The following SYTL5 variants were observed in gnomAD, a reference collection of about 807,000 sequenced individuals.
SYTL5 encodes synaptotagmin-like protein 5.
Under a neutral mutation model 55.9 loss-of-function variants are expected in SYTL5, and 34 were observed. The ratio of observed to expected loss-of-function variants is 0.61; its 90% CI spans 0.46 to 0.81. The LOEUF is 0.81. Among genes scored for constraint, SYTL5 ranks in the 30% least tolerant of loss-of-function variants. The pLI is 0.00. For synonymous variants in SYTL5, 221 were observed against 188.7 expected, an observed-to-expected ratio of 1.17 and a Z score of -1.40; for missense variants, 637 against 546.7, an observed-to-expected ratio of 1.17 and a Z score of -1.65.
the SYTL5 span, among the ~76,000 whole-genome samples, chrX:37,961,897 CT>C: frequency 3.6e-5 from 4 of 111,184 alleles, no homozygotes; most frequent in Non-Finnish European, 5.7e-5. Context: ...GTGATGTATA[CT>C]TTTTTTTGAA....
intron 1 of SYTL5, among the ~76,000 whole-genome samples, chrX:38,017,052 A>G (rs1884692): frequency 0.28 from 30,858 of 110,429 alleles, 6,311 homozygotes; most frequent in African/African-American, 0.72. Flanking sequence ...CTCCTAACTA[A>G]TGGTTGATTT....
the SYTL5 span, among the ~76,000 whole-genome samples, chrX:37,977,700 TCACACACACACACA>T: frequency 2.5e-3 from 207 of 82,551 alleles, 1 homozygote; most frequent in East Asian, 5.5e-3. Context: ...GGACCAATGA[TCACACACACACACA>T]CACACACACA....
chrX:37,968,328 A>G, the SYTL5 span, among the ~76,000 whole-genome samples: 1 of 111,581 alleles, frequency 9.0e-6, no homozygotes, highest in East Asian at 2.8e-4. Context: ...TAAACATCTT[A>G]CACCTGTTAT....
chrX:37,966,494 G>A, the SYTL5 span, among the ~76,000 whole-genome samples: 2 of 95,190 alleles, frequency 2.1e-5, no homozygotes, highest in East Asian at 6.9e-4. Flanking sequence ...CTGGAGTGCA[G>A]TGGCACGATC....
rs557696895 is a variant in SYTL5, at chrX:38,094,491, G to A, written c.961+67G>A. 27 of 1,079,929 alleles carry A rather than the reference G, an allele frequency of 2.5e-5. No individual in the cohort carries two copies. In the South Asian group the frequency reaches 4.4e-4, roughly 17 times the overall value. The allele number at this position is 1,079,929 out of a possible 1,213,427, so 89.0% of individuals were successfully genotyped here. ...TAAATCAAATGGAATTGACTGCTAT[G>A]TGTGGTATTAAGTGGATGTTTCATC... On this transcript the variant is annotated intron_variant, in intron 8 of 16. Transcript: ENST00000297875.
Position 38,051,749 on chromosome X carries a change from C to T in SYTL5, c.120-2464C>T, listed in dbSNP as rs185629349. Among the ~76,000 whole-genome samples the T allele has an allele frequency of 9.0e-5, 10 of 111,527 alleles. No homozygotes were observed. In the East Asian group the frequency reaches 2.8e-3, roughly 31 times the overall value. On this transcript the variant is annotated intron_variant, in intron 2 of 16. Transcript: ENST00000297875. ...TTTGGTGATGGGACAAAGAGGTCTCCTTTCTGTCGTCATTACCATTTCTCC... is the reference window on the plus strand; with the variant it reads ...TTTGGTGATGGGACAAAGAGGTCTCTTTTCTGTCGTCATTACCATTTCTCC...
chrX:37,941,991 G>C, the SYTL5 span, among the ~76,000 whole-genome samples: 1 of 111,568 alleles, frequency 9.0e-6, no homozygotes, highest in Non-Finnish European at 1.9e-5. Flanking sequence ...AACCGTTTTG[G>C]TAGGCCTAAA....
chrX:37,891,842 T>G, the SYTL5 span, among the ~76,000 whole-genome samples: 1 of 111,546 alleles, frequency 9.0e-6, no homozygotes, highest in Non-Finnish European at 1.9e-5. Flanking sequence ...TAACCTTACA[T>G]TCTCTGGGCA....
At chrX:37,940,319 G>C in the SYTL5 span, among the ~76,000 whole-genome samples, 6 of 109,503 alleles carry the variant, frequency 5.5e-5, no homozygotes, top group Admixed American at 5.9e-4. Context: ...AAACATAATA[G>C]ACAAGACAAA....
chrX:37,932,998 G>A, the SYTL5 span, among the ~76,000 whole-genome samples: 1 of 111,078 alleles, frequency 9.0e-6, no homozygotes, highest in African/African-American at 3.3e-5. Flanking sequence ...AGTTGCCAGG[G>A]CAGTTATGGC....
At chrX:38,005,422 C>T (rs1933964917), upstream of SYTL5, among the ~76,000 whole-genome samples, 1 of 111,318 alleles carries the variant, frequency 9.0e-6, no homozygotes, top group African/African-American at 3.3e-5. Context: ...AAGACTAAAT[C>T]AATTATTATG....
the SYTL5 span, among the ~76,000 whole-genome samples, chrX:37,974,778 T>C: frequency 1.8e-5 from 2 of 112,378 alleles, no homozygotes; most frequent in Non-Finnish European, 3.8e-5. Context: ...AGATAACAGA[T>C]TGTTGGGTTA....
chrX:37,905,537 C>A, the SYTL5 span, among the ~76,000 whole-genome samples: 1 of 109,783 alleles, frequency 9.1e-6, no homozygotes, highest in Non-Finnish European at 1.9e-5. Context: ...GAGCCAGCTG[C>A]ACCTGTTTCT....
intron 11 of SYTL5, among the ~76,000 whole-genome samples, chrX:38,107,159 T>C (rs1280000812): frequency 8.9e-6 from 1 of 111,771 alleles, no homozygotes; most frequent in Non-Finnish European, 1.9e-5. Flanking sequence ...ATTATGAGGC[T>C]CTCAGGATTC....
chrX:38,061,969 T>C (rs2047768370), intron 3 of SYTL5, among the ~76,000 whole-genome samples: 1 of 109,129 alleles, frequency 9.2e-6, no homozygotes, highest in South Asian at 4.0e-4. Context: ...TATTTTTTCT[T>C]TTTTTCTTTT....
chrX:38,024,633 G>A (rs1336290921), intron 1 of SYTL5, among the ~76,000 whole-genome samples: 6 of 111,000 alleles, frequency 5.4e-5, no homozygotes, highest in Non-Finnish European at 7.6e-5. Flanking sequence ...GTTGACCTTG[G>A]GCAAGTTACT....
In SYTL5 at chrX:38,040,414, G is replaced by A. The variant is rs112322176; in HGVS notation, c.119+6406G>A. On this transcript the variant is annotated intron_variant, in intron 2 of 16. Coordinates refer to ENST00000297875, the MANE Select transcript of SYTL5 (RefSeq NM_138780.3). ...CACCACACTGTGCTATCAAATAGTA[G>A]GTCTTATTCATACTTTCTATTTTTT... Among the ~76,000 whole-genome samples the A allele has an allele frequency of 2.0e-3, 222 of 110,064 alleles. 1 individual carries two copies. The highest frequency in any genetic ancestry group is 7.2e-3 in the African/African-American group (216 of 30,191).
At chrX:37,995,301 A>G in the SYTL5 span, among the ~76,000 whole-genome samples, 34 of 111,740 alleles carry the variant, frequency 3.0e-4, no homozygotes, top group South Asian at 1.5e-3. Flanking sequence ...GTGGCCACAG[A>G]GGTGGGTGGA....
In SYTL5 at chrX:38,125,316, T is replaced by C. The variant is rs369142412; in HGVS notation, c.1860T>C (p.Asp620=). 1.7e-6 allele frequency: 2 copies of C among 1,211,421 alleles called. No individual in the cohort carries two copies. The highest frequency in any genetic ancestry group is 3.5e-5 in the African/African-American group (2 of 57,891). The change falls in exon 16 of 17, where the codon GAT becomes GAC. Residue 620 remains aspartate (D), a synonymous_variant. Transcript: ENST00000297875. ...SFVKGYLLPD[D]SKATKHKTLV... The stretch of plus-strand genomic sequence containing the variant: ...CATGCAGCTACCTGCTCCCTGATGA[T>C]AGCAAAGCCACCAAGCACAAAACTC...
Sources: gnomAD v4.1 joint callset for allele counts (sites outside exome capture counted in the v4.1 genomes callset) on GRCh38, gnomAD v4.1.1 for gene constraint, MANE v1.5 for transcripts, NCBI Gene and HGNC (gene_info 2026-07-23, HGNC 2026-07-21) for gene names.